GALNTL6: variants seen among roughly 807,000 people sequenced by gnomAD.
The protein encoded by GALNTL6 is polypeptide N-acetylgalactosaminyltransferase-like 6.
Under a neutral mutation model 73.7 loss-of-function variants are expected in GALNTL6, and 46 were observed. The observed-to-expected ratio is 0.62, with a 90% CI of 0.49 to 0.80. GALNTL6 has a LOEUF of 0.80. GALNTL6 is among the 30% of genes least tolerant of loss of function. The pLI is 0.00. For synonymous variants in GALNTL6, 259 were observed against 263.7 expected (o/e 0.98, Z 0.17); for missense variants, 604 against 755.0 (o/e 0.80, Z 2.34).
intron 9 of GALNTL6, among the ~76,000 whole-genome samples, chr4:172,940,960 G>A (rs1335653995): frequency 1.3e-5 from 2 of 152,148 alleles, no homozygotes; most frequent in Non-Finnish European, 2.9e-5. Flanking sequence ...ATAGGCATAA[G>A]CCACCATGTA....
intron 5 of GALNTL6, among the ~76,000 whole-genome samples, chr4:172,704,486 C>T (rs1579364923): frequency 6.6e-6 from 1 of 151,416 alleles, no homozygotes; most frequent in East Asian, 1.9e-4. Flanking sequence ...TGTTTAACTT[C>T]CATGTATTTG....
intron 2 of GALNTL6, among the ~76,000 whole-genome samples, chr4:172,062,201 G>A (rs1015198736): frequency 6.6e-6 from 1 of 151,780 alleles, no homozygotes; most frequent in East Asian, 1.9e-4. Flanking sequence ...TGATCCGCCC[G>A]CCTTGGCCTC....
At chr4:172,891,450 T>C (rs1463435979) in intron 8 of GALNTL6, among the ~76,000 whole-genome samples, 9 of 152,198 alleles carry the variant, frequency 5.9e-5, no homozygotes, top group Admixed American at 5.9e-4. Context: ...GGTTGGAATT[T>C]TTTTATTTAA....
intron 5 of GALNTL6, among the ~76,000 whole-genome samples, chr4:172,567,104 G>A (rs1736582782): frequency 6.6e-6 from 1 of 151,414 alleles, no homozygotes; most frequent in Non-Finnish European, 1.5e-5. Flanking sequence ...GAGGAGAGTT[G>A]AGGACATAGC....
At chr4:171,921,092 C>T (rs1737772272) in intron 2 of GALNTL6, among the ~76,000 whole-genome samples, 1 of 151,996 alleles carries the variant, frequency 6.6e-6, no homozygotes, top group South Asian at 2.1e-4. Context: ...TGTATGAAAA[C>T]TGATGAGTCA....
rs530551338 is a variant in GALNTL6 at position 172,151,824 on chromosome 4, G to A, written c.139-77832G>A. 4.6e-5 allele frequency among the ~76,000 whole-genome samples: 7 copies of A among 151,918 alleles called. No homozygotes were observed. The East Asian group carries it at 1.4e-3, about 29-fold the overall frequency. On this transcript the variant is annotated intron_variant, in intron 2 of 12. Transcript: ENST00000506823. Reference sequence around the variant, plus strand: ...TACACTTGGGTAGCACACTTCATGGGGGACGGCTGTGACACTACCTCTTAT... The same window carrying A: ...TACACTTGGGTAGCACACTTCATGGAGGACGGCTGTGACACTACCTCTTAT...
chr4:172,481,028 C>T (rs1031914531), intron 5 of GALNTL6, among the ~76,000 whole-genome samples: 3 of 152,158 alleles, frequency 2.0e-5, no homozygotes, highest in Non-Finnish European at 4.4e-5. Flanking sequence ...GTCTCACTGA[C>T]TTCAAGAATG....
intron 2 of GALNTL6, among the ~76,000 whole-genome samples, chr4:171,996,523 A>G (rs1294838458): frequency 7.2e-5 from 11 of 152,058 alleles, no homozygotes; most frequent in Admixed American, 7.2e-4. Context: ...ATTATAATTA[A>G]AAGCAAGACT....
At chr4:172,151,490 G>A (rs1241260703) in intron 2 of GALNTL6, among the ~76,000 whole-genome samples, 1 of 151,848 alleles carries the variant, frequency 6.6e-6, no homozygotes, top group Non-Finnish European at 1.5e-5. Context: ...CAAAATGAAC[G>A]CAGAGATTTA....
At chr4:172,121,257 T>TTGTGTGTGTGTGTGTGTGTGTGTG (rs375731048) in intron 2 of GALNTL6, among the ~76,000 whole-genome samples, 2 of 142,372 alleles carry the variant, frequency 1.4e-5, no homozygotes, top group Admixed American at 7.1e-5. Flanking sequence ...TCAAGAAGCA[T>TTGTGTGTGTGTGTGTGTGTGTGTG]TGTGTGTGTG....
chr4:172,910,511 G>A (rs1397905850), intron 8 of GALNTL6, among the ~76,000 whole-genome samples: 1 of 152,098 alleles, frequency 6.6e-6, no homozygotes, highest in Non-Finnish European at 1.5e-5. Flanking sequence ...ATTCTCTGTT[G>A]GCCCCTGAAG....
chr4:172,709,822 A>G (rs1734584767), intron 5 of GALNTL6, among the ~76,000 whole-genome samples: 1 of 152,158 alleles, frequency 6.6e-6, no homozygotes, highest in African/African-American at 2.4e-5. Flanking sequence ...CAACCAAGAA[A>G]TCATAAAGGT....
chr4:172,815,754 T>C (rs2111006231), intron 7 of GALNTL6, among the ~76,000 whole-genome samples: 1 of 152,342 alleles, frequency 6.6e-6, no homozygotes, highest in Middle Eastern at 3.4e-3. Context: ...CTCTTGTTTC[T>C]GTCCCCTACG....
chr4:172,737,706 G>A (rs1018402027), intron 5 of GALNTL6, among the ~76,000 whole-genome samples: 2 of 152,156 alleles, frequency 1.3e-5, no homozygotes, highest in African/African-American at 4.8e-5. Flanking sequence ...CTTTGCACTG[G>A]AGAATTAGTT....
chr4:172,152,428 T>A (rs1481007503), intron 2 of GALNTL6, among the ~76,000 whole-genome samples: 1 of 152,212 alleles, frequency 6.6e-6, no homozygotes, highest in African/African-American at 2.4e-5. Flanking sequence ...CTCCAGGTGT[T>A]GTCTGTGGTG....
intron 7 of GALNTL6, among the ~76,000 whole-genome samples, chr4:172,833,267 T>C (rs916592059): frequency 6.6e-6 from 1 of 151,722 alleles, no homozygotes; most frequent in Non-Finnish European, 1.5e-5. Context: ...CTTTTCTCAG[T>C]AATTCTGGAA....
chr4:172,683,092 C>A (rs1332409275), intron 5 of GALNTL6, among the ~76,000 whole-genome samples: 1 of 152,184 alleles, frequency 6.6e-6, no homozygotes. Flanking sequence ...CCCATCAGTT[C>A]ATTTTCTGTA....
At chr4:172,208,783 G>A (rs1359536595) in intron 2 of GALNTL6, among the ~76,000 whole-genome samples, 1 of 152,100 alleles carries the variant, frequency 6.6e-6, no homozygotes, top group Non-Finnish European at 1.5e-5. Context: ...TTACAAGTGA[G>A]GATGGTTGTT....
At chr4:172,098,915 A>C (rs746117206) in intron 2 of GALNTL6, among the ~76,000 whole-genome samples, 1 of 152,200 alleles carries the variant, frequency 6.6e-6, no homozygotes, top group Non-Finnish European at 1.5e-5. Flanking sequence ...GGCTGTTGGC[A>C]GACTCTGACA....
Sources: allele counts gnomAD v4.1 joint callset (sites outside exome capture counted in the v4.1 genomes callset), GRCh38; gene constraint gnomAD v4.1.1; transcripts MANE v1.5; gene names NCBI Gene and HGNC (gene_info 2026-07-23, HGNC 2026-07-21).